NIN: variants seen among roughly 807,000 people sequenced by gnomAD.
The protein encoded by NIN is glycogen synthase kinase 3 beta-interacting protein.
A neutral mutation model predicts 257.6 loss-of-function variants in NIN; 137 were observed. The observed-to-expected ratio is 0.53, with a 90% CI of 0.46 to 0.61. NIN has a LOEUF of 0.61. Ranked by LOEUF, NIN falls within the 20% of genes least tolerant of loss-of-function variation. The pLI, the probability that NIN is intolerant of heterozygous loss-of-function variation, is 0.00. For missense variants in NIN, 2,439 were observed against 2,501.2 expected, an observed-to-expected ratio of 0.98 and a Z score of 0.53; for synonymous variants, 918 against 919.8, an observed-to-expected ratio of 1.00 and a Z score of 0.04.
chr14:50,798,395 G>C (rs558963705), intron 4 of NIN, among the ~76,000 whole-genome samples: 69 of 152,202 alleles, frequency 4.5e-4, no homozygotes, highest in Admixed American at 1.4e-3. Context: ...CAGGAGGAAG[G>C]CTTCCAGGGG....
At chr14:50,821,662 T>G (rs1259633369) in intron 3 of NIN, among the ~76,000 whole-genome samples, 2 of 152,236 alleles carry the variant, frequency 1.3e-5, no homozygotes, top group African/African-American at 2.4e-5. Flanking sequence ...AGATGCTCAC[T>G]GTACACCATA....
At chr14:50,761,594 C>T (rs2042276733) in intron 16 of NIN, among the ~76,000 whole-genome samples, 196 bp downstream of exon 16, 1 of 152,092 alleles carries the variant, frequency 6.6e-6, no homozygotes, top group African/African-American at 2.4e-5. Flanking sequence ...ATTGCCAGGG[C>T]TGAAGATATT....
At chr14:50,729,415 G>T in intron 29 of NIN, 108 bp downstream of exon 29, 2 of 1,043,984 alleles carry the variant, frequency 1.9e-6, no homozygotes, top group Non-Finnish European at 2.8e-6. Context: ...GACTACAGGT[G>T]TGTGCCATTA....
intron 28 of NIN, among the ~76,000 whole-genome samples, chr14:50,730,069 G>GT (rs1663450534): frequency 1.3e-5 from 2 of 152,034 alleles, no homozygotes; most frequent in Non-Finnish European, 2.9e-5. Context: ...TTTAAAAACG[G>GT]GTTGGAGAAA....
chr14:50,766,429 T>TC, intron 13 of NIN, 33 bp from the exon 14 acceptor site: 4 of 1,599,296 alleles, frequency 2.5e-6, no homozygotes. Flanking sequence ...CTGTCATTTT[T>TC]CCCGAGTGCC....
In NIN at chr14:50,770,984, A is replaced by C; in HGVS notation, c.1127T>G (p.Val376Gly). The change falls in exon 11 of 31, where the codon GTT (valine) becomes GGT (glycine). Residue 376 changes from valine (V) to glycine (G), a missense_variant. Transcript: ENST00000530997. ...CTCTTTTTCTCTGACCACCTGATCA[A>C]CTCGTTCCCTAGGATCAGAAGTACA... ...KAEIRHLLER[V>G]DQVVREKEKL... The C allele has an allele frequency of 6.2e-7, 1 of 1,613,514 alleles. No homozygotes were observed. Among genetic ancestry groups the C allele is most frequent in the Non-Finnish European group, 8.5e-7 (1 of 1,179,816 alleles).
chr14:50,818,732 A>C (rs575104591), intron 3 of NIN, among the ~76,000 whole-genome samples: 4 of 152,162 alleles, frequency 2.6e-5, no homozygotes, highest in Admixed American at 6.5e-5. Context: ...CATTTCAAAC[A>C]CCTGTACAGT....
chr14:50,751,411 T>C, intron 21 of NIN, among the ~76,000 whole-genome samples: 1 of 152,216 alleles, frequency 6.6e-6, no homozygotes, highest in Non-Finnish European at 1.5e-5. Context: ...AGAGTCTGTT[T>C]CCCCACAGCC....
intron 3 of NIN, among the ~76,000 whole-genome samples, chr14:50,811,544 C>CTTTTTTTTTTTTTTTTTT (rs55734117): frequency 1.3e-5 from 1 of 75,296 alleles, no homozygotes; most frequent in Non-Finnish European, 2.4e-5. Flanking sequence ...AATGGTCAAG[C>CTTTTTTTTTTTTTTTTTT]TTTTTTTTTT....
At chr14:50,762,030 T>C (rs1226625615) in intron 15 of NIN, 119 bp from the exon 16 acceptor site, 11 of 1,048,844 alleles carry the variant, frequency 1.0e-5, no homozygotes, top group African/African-American at 1.6e-5. Flanking sequence ...TTACCAGAGA[T>C]GTGAACTAAT....
intron 4 of NIN, among the ~76,000 whole-genome samples, chr14:50,802,326 T>C (rs1391188895): frequency 6.6e-6 from 1 of 152,174 alleles, no homozygotes; most frequent in Non-Finnish European, 1.5e-5. Context: ...ACGCTAAGAT[T>C]CTTAGAATTA....
chr14:50,753,636 G>C (rs2041896315), intron 20 of NIN, among the ~76,000 whole-genome samples: 1 of 152,034 alleles, frequency 6.6e-6, no homozygotes, highest in South Asian at 2.1e-4. Flanking sequence ...TAGGATTGCT[G>C]GGTTAGAAGA....
intron 30 of NIN, among the ~76,000 whole-genome samples, chr14:50,725,539 T>A (rs1173494082): frequency 3.3e-5 from 5 of 152,110 alleles, no homozygotes; most frequent in African/African-American, 7.2e-5. Context: ...CCTATTTTTT[T>A]AACCAATATC....
chr14:50,806,318 T>C (rs2044324675), intron 4 of NIN: 2 of 153,558 alleles, frequency 1.3e-5, no homozygotes, highest in South Asian at 2.1e-4. Flanking sequence ...AATGTGATAA[T>C]GTCTACAGCA....
intron 2 of NIN, among the ~76,000 whole-genome samples, 152 bp from the exon 3 acceptor site, chr14:50,822,229 C>T (rs2045257287): frequency 6.6e-6 from 1 of 152,214 alleles, no homozygotes; most frequent in Admixed American, 6.5e-5. Flanking sequence ...AGCAAGACCC[C>T]CAGTCTCTGT....
intron 14 of NIN, among the ~76,000 whole-genome samples, chr14:50,764,794 T>C (rs1225809524): frequency 3.3e-5 from 5 of 151,944 alleles, no homozygotes. Context: ...ACACTAATAA[T>C]TGCCTAGAGC....
In NIN at chr14:50,743,411, T is replaced by G. The variant is rs754839212; in HGVS notation, c.5301+5A>C. 6.4e-7 allele frequency: 1 copy of G among 1,563,796 alleles called. No homozygotes were observed. Among genetic ancestry groups the G allele is most frequent in the Non-Finnish European group, 8.8e-7 (1 of 1,134,132 alleles). On this transcript the variant is annotated splice_donor_5th_base_variant and intron_variant, in intron 24 of 30. Coordinates refer to ENST00000530997, the MANE Select transcript of NIN (RefSeq NM_020921.4). ...GTGAAGATGAAACAAGAATTGTCCA[T>G]GTACCTTTTCCTGAGAAGCCACCAG...
intron 22 of NIN, among the ~76,000 whole-genome samples, chr14:50,745,689 C>T (rs948587394): frequency 2.6e-5 from 4 of 152,156 alleles, no homozygotes; most frequent in African/African-American, 9.7e-5. Flanking sequence ...TAATAAAGGA[C>T]CTTCTACTTT....
intron 30 of NIN, chr14:50,725,693 T>C (rs1247493010): frequency 1.8e-6 from 1 of 565,054 alleles, no homozygotes; most frequent in Non-Finnish European, 3.1e-6. Context: ...CTTAGGTCCA[T>C]GTAAATCATG....
Sources: allele counts gnomAD v4.1 joint callset (sites outside exome capture counted in the v4.1 genomes callset), GRCh38; gene constraint gnomAD v4.1.1; transcripts MANE v1.5; gene names NCBI Gene and HGNC (gene_info 2026-07-23, HGNC 2026-07-21).